The following POMP variants were observed in gnomAD, a reference collection of about 807,000 sequenced individuals.
The protein encoded by POMP is proteasome maturation protein.
A neutral mutation model predicts 20.6 loss-of-function variants in POMP; 12 were observed. The observed-to-expected ratio is 0.58, with a 90% CI of 0.37 to 0.94. The LOEUF (loss-of-function observed/expected upper bound fraction) is 0.94. POMP is among the 40% of genes least tolerant of loss of function. The pLI, the probability that POMP is intolerant of heterozygous loss-of-function variation, is 0.01. For synonymous variants in POMP, 53 were observed against 55.0 expected (o/e 0.96, Z 0.16); for missense variants, 136 against 161.1 (o/e 0.84, Z 0.84).
intron 3 of POMP, among the ~76,000 whole-genome samples, chr13:28,666,663 T>C (rs1884453566): frequency 6.6e-6 from 1 of 152,254 alleles, no homozygotes; most frequent in African/African-American, 2.4e-5. Flanking sequence ...TGGGGCATAT[T>C]GCTTAATTTT....
intron 1 of POMP, among the ~76,000 whole-genome samples, chr13:28,660,674 A>G (rs777677941): frequency 1.3e-5 from 2 of 152,238 alleles, no homozygotes; most frequent in Non-Finnish European, 2.9e-5. Context: ...AAAGTAGGTT[A>G]GTGACAGTCC....
At chr13:28,664,631 G>A (rs1394805056) in intron 3 of POMP, 62 bp downstream of exon 3, 5 of 1,049,124 alleles carry the variant, frequency 4.8e-6, no homozygotes, top group Non-Finnish European at 7.0e-6. Flanking sequence ...TACTAATATT[G>A]GTTTCATTTT....
rs759869912 is a variant in POMP at position 28,659,138 on chromosome 13, C to A, written c.-47C>A. 1.9e-6 allele frequency: 3 copies of A among 1,567,862 alleles called. No individual in the cohort carries two copies. The highest frequency in any genetic ancestry group is 1.2e-5 in the South Asian group (1 of 85,746). On this transcript the variant is annotated 5_prime_UTR_variant, in exon 1 of 6. Coordinates refer to ENST00000380842, the MANE Select transcript of POMP (RefSeq NM_015932.6). ...CGGAAACGGAAGTGAGCGGCGGGGT[C>A]GACTGACGGTAACGGGGCAGAGAGG...
chr13:28,661,873 G>C (rs1266979449), intron 1 of POMP, among the ~76,000 whole-genome samples: 1 of 152,062 alleles, frequency 6.6e-6, no homozygotes, highest in Non-Finnish European at 1.5e-5. Context: ...TCAGGGAATA[G>C]TATTCCCGAG....
At chr13:28,660,787 A>G (rs1033815770) in intron 1 of POMP, among the ~76,000 whole-genome samples, 3 of 152,196 alleles carry the variant, frequency 2.0e-5, no homozygotes, top group Non-Finnish European at 4.4e-5. Flanking sequence ...AAGGAGTCTG[A>G]ACTTTGTGCT....
In POMP at chr13:28,678,279, C is replaced by A; in HGVS notation, c.*177C>A. 1 of 650,438 alleles carries A rather than the reference C, an allele frequency of 1.5e-6. No homozygotes were observed. Among genetic ancestry groups the A allele is most frequent in the Non-Finnish European group, 2.8e-6 (1 of 361,144 alleles). 40.3% of individuals were successfully genotyped at this position (650,438 alleles called of 1,614,324 possible). A position where few individuals can be genotyped will look rare whatever the true frequency, so the allele number is the denominator to read the frequency against. ...TTTACAGCCATGTGACAATTAAAAG[C>A]ACTAAAGGGAGATCATGTTAAAGCT... On this transcript the variant is annotated 3_prime_UTR_variant, in exon 6 of 6. Coordinates refer to ENST00000380842, the MANE Select transcript of POMP (RefSeq NM_015932.6).
At chr13:28,671,612 T>TAAA (rs1884546655) in intron 4 of POMP, among the ~76,000 whole-genome samples, 4 of 152,076 alleles carry the variant, frequency 2.6e-5, no homozygotes, top group African/African-American at 9.7e-5. Context: ...CCTATTTTTG[T>TAAA]TTCTTCCTCT....
chr13:28,669,031 T>C (rs1884495458), intron 4 of POMP, among the ~76,000 whole-genome samples: 1 of 152,180 alleles, frequency 6.6e-6, no homozygotes, highest in South Asian at 2.1e-4. Flanking sequence ...CAATGATGCC[T>C]TCTCAAGCTG....
intron 5 of POMP, among the ~76,000 whole-genome samples, chr13:28,673,609 A>G (rs766312740): frequency 1.8e-4 from 27 of 152,218 alleles, no homozygotes; most frequent in Non-Finnish European, 2.9e-4. Flanking sequence ...TGTGGACATA[A>G]CAGAAGTCTA....
intron 4 of POMP, among the ~76,000 whole-genome samples, chr13:28,670,649 G>C (rs2137796780): frequency 6.6e-6 from 1 of 152,312 alleles, no homozygotes; most frequent in South Asian, 2.1e-4. Context: ...TAAACTACTT[G>C]CAGTTTCCTA....
chr13:28,678,415 ATTTAG>A lies in POMP; in HGVS notation c.*317_*321del. 3.2e-6 allele frequency: 1 copy of A among 314,558 alleles called. No individual in the cohort carries two copies. Among genetic ancestry groups the A allele is most frequent in the Non-Finnish European group, 6.0e-6 (1 of 166,212 alleles). The allele number at this position is 314,558 out of a possible 1,614,324, so 19.5% of individuals were successfully genotyped here. A position where few individuals can be genotyped will look rare whatever the true frequency, so the allele number is the denominator to read the frequency against. On this transcript the variant is annotated 3_prime_UTR_variant, in exon 6 of 6. Transcript: ENST00000380842. ...AACCTGTTTCTAGGTTTTTTTGTAA[ATTTAG>A]TTTTGATTAAGCATTATAAGCATTT...
At chr13:28,660,744 G>A (rs1204970638) in intron 1 of POMP, among the ~76,000 whole-genome samples, 1 of 152,184 alleles carries the variant, frequency 6.6e-6, no homozygotes. Context: ...AGGGGAGTTG[G>A]AACCTATTAT....
chr13:28,675,431 G>C (rs544806642), intron 5 of POMP, among the ~76,000 whole-genome samples: 150 of 152,288 alleles, frequency 9.8e-4, no homozygotes, highest in African/African-American at 3.5e-3. Flanking sequence ...GAGCCATCAC[G>C]CCCGGCCAGG....
intron 1 of POMP, chr13:28,659,916 A>G (rs541545677): frequency 6.6e-6 from 1 of 152,380 alleles, no homozygotes; most frequent in South Asian, 2.1e-4. Flanking sequence ...GAAAGTTTCT[A>G]TTGGTAAATA....
intron 4 of POMP, 32 bp downstream of exon 4, chr13:28,668,606 C>T (rs111503733): frequency 7.6e-6 from 11 of 1,449,838 alleles, no homozygotes; most frequent in South Asian, 5.7e-5. Flanking sequence ...GCATATGTGT[C>T]GATATCATTC....
chr13:28,668,654 C>A, intron 4 of POMP, 80 bp downstream of exon 4: 1 of 1,068,564 alleles, frequency 9.4e-7, no homozygotes, highest in Non-Finnish European at 1.4e-6. Context: ...CTATTTATAC[C>A]TTATCTACCT....
At chr13:28,665,135 C>T (rs1792096) in intron 3 of POMP, among the ~76,000 whole-genome samples, 6,766 of 152,186 alleles carry the variant, frequency 0.044, 505 homozygotes, top group African/African-American at 0.15. Context: ...GAGGAGGGAC[C>T]TTTGAACAGT....
At chr13:28,665,850 T>TG (rs1194918022) in intron 3 of POMP, among the ~76,000 whole-genome samples, 1 of 152,194 alleles carries the variant, frequency 6.6e-6, no homozygotes, top group African/African-American at 2.4e-5. Flanking sequence ...GTGAAAGTAG[T>TG]GTAGGGTAAA....
chr13:28,667,085 G>A (rs967232946), intron 3 of POMP, among the ~76,000 whole-genome samples: 3 of 152,170 alleles, frequency 2.0e-5, no homozygotes, highest in African/African-American at 7.2e-5. Context: ...TCCAAGGTAG[G>A]CTGTTCAGTT....
Sources: allele counts gnomAD v4.1 joint callset (sites outside exome capture counted in the v4.1 genomes callset), GRCh38; gene constraint gnomAD v4.1.1; transcripts MANE v1.5; gene names NCBI Gene and HGNC (gene_info 2026-07-23, HGNC 2026-07-21).